Variants in PRDM11 observed in about 807,000 individuals in gnomAD.
PRDM11 encodes PR/SET domain 11, also known as PR domain-containing protein 11.
PRDM11 carries 20 observed loss-of-function variants against 97.8 expected under a neutral mutation model. The observed-to-expected ratio is 0.20, with a 90% CI of 0.14 to 0.30. PRDM11 has a LOEUF of 0.30. Among genes scored for constraint, PRDM11 ranks in the 10% least tolerant of loss-of-function variants. PRDM11 has a pLI of 1.00. For synonymous variants in PRDM11, 599 were observed against 637.7 expected (o/e 0.94, Z 0.91); for missense variants, 1,139 against 1,555.2 (o/e 0.73, Z 4.50).
upstream of PRDM11, among the ~76,000 whole-genome samples, chr11:45,144,184 A>C (rs6485593): frequency 0.32 from 49,115 of 152,076 alleles, 8,796 homozygotes; most frequent in African/African-American, 0.45. Flanking sequence ...TCTTGAGGGC[A>C]AAATATAGAA....
chr11:45,116,617 G>A (rs1852308815), intron 1 of PRDM11, among the ~76,000 whole-genome samples: 1 of 152,208 alleles, frequency 6.6e-6, no homozygotes, highest in African/African-American at 2.4e-5. Flanking sequence ...ATCTCAAAAT[G>A]AGTGAAGTGC....
chr11:45,228,119 A>G lies in PRDM11; in HGVS notation c.3494A>G (p.Gln1165Arg). ...GCGCTGGAGCAGAAGCCAGCACTAC[A>G]GACCATGGACCACGGGACGGAGTTT... ...MSALEQKPAL[Q>R]TMDHGTEFYP... is the part of the protein sequence containing the mutation. The change falls in exon 8 of 8, where the codon CAG becomes CGG. Residue 1165 changes from glutamine (Q) to arginine (R), a missense_variant. Around this residue, in one of 2 missense-constraint regions of PRDM11, gnomAD observed 710 missense variants for 1,044.9 expected, o/e 0.68. Transcript: ENST00000683152. The G allele has an allele frequency of 6.5e-7, 1 of 1,533,112 alleles. No individual in the cohort carries two copies. The highest frequency in any genetic ancestry group is 8.7e-7 in the Non-Finnish European group (1 of 1,146,188). 95.0% of individuals were successfully genotyped at this position (1,533,112 alleles called of 1,614,324 possible).
intron 1 of PRDM11, among the ~76,000 whole-genome samples, chr11:45,105,128 T>C (rs1852039453): frequency 6.6e-6 from 1 of 152,254 alleles, no homozygotes; most frequent in African/African-American, 2.4e-5. Context: ...CATGTACAGA[T>C]GGCACTTCTT....
At chr11:45,199,612 G>C (rs1224021195) in intron 4 of PRDM11, among the ~76,000 whole-genome samples, 3 of 152,224 alleles carry the variant, frequency 2.0e-5, no homozygotes, top group Admixed American at 2.0e-4. Context: ...GCTGAGTTCA[G>C]AGGGACCAAG....
At chr11:45,131,900 A>AT (rs1249834015) in intron 1 of PRDM11, among the ~76,000 whole-genome samples, 2 of 151,994 alleles carry the variant, frequency 1.3e-5, no homozygotes, top group Admixed American at 6.6e-5. Context: ...CGGGATCTAG[A>AT]TTTTTTCTTT....
intron 1 of PRDM11, among the ~76,000 whole-genome samples, chr11:45,153,040 G>C (rs891901515): frequency 6.6e-6 from 1 of 152,264 alleles, no homozygotes; most frequent in Non-Finnish European, 1.5e-5. Flanking sequence ...AATTGAGGTA[G>C]GAGAGGATGA....
At position 45,234,606 on chromosome 11, in the gene PRDM11, C is replaced by A. The variant is rs1854467627; in HGVS notation, c.*6447C>A. 1 of 152,420 alleles carries A rather than the reference C, an allele frequency of 6.6e-6. No homozygotes were observed. 9.4% of individuals were successfully genotyped at this position (152,420 alleles called of 1,614,324 possible). ...TGGGCATCCCCAGGTAGCAATCCCA[C>A]AATGCACTGTACCTCAGAGAGAGAG... On this transcript the variant is annotated 3_prime_UTR_variant, in exon 8 of 8. Coordinates refer to ENST00000683152, the MANE Select transcript of PRDM11 (RefSeq NM_001384648.1).
chr11:45,193,301 T>C, intron 4 of PRDM11, among the ~76,000 whole-genome samples: 1 of 152,194 alleles, frequency 6.6e-6, no homozygotes, highest in East Asian at 1.9e-4. Flanking sequence ...GAGTGCAACA[T>C]TTACATATTA....
chr11:45,222,429 G>C (rs943584157), intron 6 of PRDM11, among the ~76,000 whole-genome samples: 9 of 152,164 alleles, frequency 5.9e-5, no homozygotes, highest in Non-Finnish European at 8.8e-5. Context: ...GGAAAATGTG[G>C]CTCTTGATTT....
intron 4 of PRDM11, among the ~76,000 whole-genome samples, chr11:45,185,781 A>G (rs1410654429): frequency 6.6e-6 from 1 of 152,188 alleles, no homozygotes; most frequent in Non-Finnish European, 1.5e-5. Context: ...CCTAATCCCT[A>G]GAACTTGTAA....
chr11:45,132,630 C>T (rs1296014882), intron 1 of PRDM11, among the ~76,000 whole-genome samples: 2 of 152,214 alleles, frequency 1.3e-5, no homozygotes, highest in Admixed American at 1.3e-4. Context: ...CTTTCTACTT[C>T]TGTTTCCATT....
intron 4 of PRDM11, among the ~76,000 whole-genome samples, chr11:45,201,198 T>C (rs1853315338): frequency 6.6e-6 from 1 of 152,248 alleles, no homozygotes; most frequent in Admixed American, 6.5e-5. Context: ...CAGTCAAATG[T>C]AGTAAAATAA....
intron 5 of PRDM11, chr11:45,213,545 C>T (rs759652755): frequency 2.2e-5 from 10 of 456,358 alleles, no homozygotes; most frequent in Admixed American, 9.4e-5. Context: ...CTTGGCCCTC[C>T]GCTTGCCCTT....
chr11:45,099,190 C>T (rs996542477), intron 1 of PRDM11, among the ~76,000 whole-genome samples: 4 of 152,042 alleles, frequency 2.6e-5, no homozygotes, highest in African/African-American at 9.7e-5. Flanking sequence ...TGGTGGCTCA[C>T]GCCTGTAATC....
chr11:45,225,156 A>G, intron 7 of PRDM11: 22 of 1,349,676 alleles, frequency 1.6e-5, no homozygotes, highest in Non-Finnish European at 2.1e-5. Flanking sequence ...CCCAAAGCCC[A>G]ATTTCTAAAC....
At chr11:45,189,390 A>C (rs895922510) in intron 4 of PRDM11, among the ~76,000 whole-genome samples, 1 of 124,060 alleles carries the variant, frequency 8.1e-6, no homozygotes, top group Non-Finnish European at 1.8e-5. Context: ...AATGCATACT[A>C]TAATGACCTC....
intron 4 of PRDM11, among the ~76,000 whole-genome samples, chr11:45,200,200 G>C (rs1470913495): frequency 2.0e-5 from 3 of 152,180 alleles, no homozygotes; most frequent in Non-Finnish European, 4.4e-5. Context: ...ACACCTGTCA[G>C]AAAAGCTCTA....
At chr11:45,225,439 G>A (rs977393787) in intron 7 of PRDM11, among the ~76,000 whole-genome samples, 3 of 152,338 alleles carry the variant, frequency 2.0e-5, no homozygotes, top group Middle Eastern at 3.4e-3. Flanking sequence ...CATATCTGCA[G>A]CTGAGGGAGA....
rs988322430 is a variant in PRDM11 at position 45,226,401 on chromosome 11, C to T, written c.1776C>T (p.Leu592=). The part of the protein sequence containing the change: ...TEEMCRNMTL[L]FNTAYHLALE... ...AGATGTGTCGCAACATGACCCTGCTCTTCAACACCGCCTACCACCTGGCCT... is the reference window on the plus strand; with the variant it reads ...AGATGTGTCGCAACATGACCCTGCTTTTCAACACCGCCTACCACCTGGCCT... The change falls in exon 8 of 8, where the codon CTC becomes CTT. Residue 592 remains leucine, a synonymous_variant. Transcript: ENST00000683152. 2.6e-6 allele frequency: 4 copies of T among 1,534,016 alleles called. No individual in the cohort carries two copies. In the Admixed American group the frequency reaches 7.8e-5, roughly 30 times the overall value.
Sources: allele counts gnomAD v4.1 joint callset (sites outside exome capture counted in the v4.1 genomes callset), GRCh38; gene constraint gnomAD v4.1.1; regional missense constraint gnomAD v4.1.1; transcripts MANE v1.5; gene names NCBI Gene and HGNC (gene_info 2026-07-23, HGNC 2026-07-21).